The following CCT5 variants were observed in gnomAD, a reference collection of about 807,000 sequenced individuals.
CCT5 encodes T-complex protein 1 subunit epsilon.
Under a neutral mutation model 55.0 loss-of-function variants are expected in CCT5, and 6 were observed. The observed-to-expected ratio is 0.11, with a 90% CI of 0.06 to 0.22. The LOEUF is 0.22. CCT5 is among the 10% of genes least tolerant of loss of function. The probability of loss-of-function intolerance (pLI) is 1.00; values close to 1 mark genes in which losing one functional copy is unlikely to be tolerated. For missense variants in CCT5, 560 were observed against 694.6 expected (o/e 0.81, Z 2.18); for synonymous variants, 231 against 243.7 (o/e 0.95, Z 0.49).
At chr5:10,264,447 T>C in intron 10 of CCT5, 1 of 541,958 alleles carries the variant, frequency 1.8e-6, no homozygotes, top group Non-Finnish European at 3.3e-6. Flanking sequence ...CAGCTCTCTT[T>C]ACCAGGTGCG....
chr5:10,250,552 A>G (rs2126488535), intron 1 of CCT5, 107 bp downstream of exon 1: 6 of 1,537,284 alleles, frequency 3.9e-6, no homozygotes, highest in South Asian at 3.6e-5. Context: ...CTCCCCGGAA[A>G]GGTCGAGAAT....
At chr5:10,261,866 C>T (rs1039094195) in intron 8 of CCT5, 121 bp downstream of exon 8, 1 of 820,562 alleles carries the variant, frequency 1.2e-6, no homozygotes, top group African/African-American at 1.7e-5. Context: ...GGTTCTCAAA[C>T]AATGACGTAT....
At chr5:10,260,990 T>G in intron 7 of CCT5, 79 bp downstream of exon 7, 1 of 1,427,384 alleles carries the variant, frequency 7.0e-7, no homozygotes, top group East Asian at 2.3e-5. Context: ...TAGCCCTGCC[T>G]TAAATAACTG....
At position 10,256,022 on chromosome 5, in the gene CCT5, A is replaced by G. The variant is rs1367000697; in HGVS notation, c.399A>G (p.Ile133Met). 2 of 1,614,112 alleles carry G rather than the reference A, an allele frequency of 1.2e-6. No individual in the cohort carries two copies. The highest frequency in any genetic ancestry group is 1.7e-6 in the Non-Finnish European group (2 of 1,180,022). ...LLDRGIHPIR[I>M]ADGYEQAARV... The stretch of plus-strand genomic sequence containing the variant: ...ACCGAGGCATTCACCCAATCAGAAT[A>G]GCCGATGGCTATGAGCAGGCTGCTC... The change falls in exon 4 of 11, where the codon ATA becomes ATG. Residue 133 changes from isoleucine to methionine, a missense_variant. Around this residue, in one of 4 missense-constraint regions of CCT5, gnomAD observed 137 missense variants for 181.9 expected, o/e 0.75. Coordinates refer to ENST00000280326, the MANE Select transcript of CCT5 (RefSeq NM_012073.5).
At chr5:10,261,143 T>C (rs1579455456) in intron 7 of CCT5, 4 of 568,378 alleles carry the variant, frequency 7.0e-6, no homozygotes, top group Non-Finnish European at 1.3e-5. Flanking sequence ...GTTGTCTCAC[T>C]TGGCCCTGTC....
Position 10,265,447 on chromosome 5 carries a change from T to C in CCT5, c.*664T>C, listed in dbSNP as rs1746177647. The C allele has an allele frequency of 6.6e-6, 1 of 152,396 alleles. No individual in the cohort carries two copies. The highest frequency in any genetic ancestry group is 1.5e-5 in the Non-Finnish European group (1 of 68,186). The allele number at this position is 152,396 out of a possible 1,614,324, so 9.4% of individuals were successfully genotyped here. A position where few individuals can be genotyped will look rare whatever the true frequency, so the allele number is the denominator to read the frequency against. ...TAGGGCAGTTCAGAACCCACTTGTT[T>C]CCCTATCAGAGGGACACAGTGAAGT... On this transcript the variant is annotated 3_prime_UTR_variant, in exon 11 of 11. Transcript: ENST00000280326.
At chr5:10,251,515 T>G (rs1745412962) in intron 1 of CCT5, among the ~76,000 whole-genome samples, 1 of 152,216 alleles carries the variant, frequency 6.6e-6, no homozygotes, top group Admixed American at 6.5e-5. Flanking sequence ...CTCTCAGGTG[T>G]CCCTGTTCAC....
Position 10,261,760 on chromosome 5 carries a change from A to AT in CCT5, c.1179+18dup. ...GAAATAAGATGGTGAGAATTCAACT[A>AT]TTTGTCCTATACTGTTGCTTATTTT... On this transcript the variant is annotated intron_variant, in intron 8 of 10. Transcript: ENST00000280326. The AT allele has an allele frequency of 6.2e-7, 1 of 1,607,812 alleles. No individual in the cohort carries two copies. Among genetic ancestry groups the AT allele is most frequent in the Non-Finnish European group, 8.5e-7 (1 of 1,174,488 alleles).
intron 1 of CCT5, 54 bp downstream of exon 1, chr5:10,250,499 T>TGGCTCTGCGCCTGCGCGAGTTGAGGAGC: frequency 1.2e-6 from 2 of 1,603,574 alleles, no homozygotes; most frequent in Non-Finnish European, 1.7e-6. Flanking sequence ...GCCGAGGCCG[T>TGGCTCTGCGCCTGCGCGAGTTGAGGAGC]GGCTCTGCGC....
chr5:10,260,541 A>G (rs1258162369), intron 6 of CCT5, among the ~76,000 whole-genome samples: 5 of 63,752 alleles, frequency 7.8e-5, no homozygotes, highest in African/African-American at 1.6e-4. Flanking sequence ...AATAGGGTTC[A>G]GCAGAATTAC....
intron 1 of CCT5, chr5:10,250,935 T>C: frequency 2.2e-6 from 2 of 921,934 alleles, no homozygotes; most frequent in South Asian, 4.6e-5. Context: ...GAGTGCTTTT[T>C]TGCCCACCCT....
At chr5:10,263,347 G>T (rs56221522) in intron 10 of CCT5, 33 bp downstream of exon 10, 4 of 1,586,632 alleles carry the variant, frequency 2.5e-6, no homozygotes, top group African/African-American at 1.4e-5. Flanking sequence ...CGTGGAGGGG[G>T]GGGGATGTCT....
chr5:10,264,920 A>G lies in CCT5; in HGVS notation c.*137A>G. The G allele has an allele frequency of 8.7e-7, 1 of 1,150,280 alleles. No individual in the cohort carries two copies. Among genetic ancestry groups the G allele is most frequent in the East Asian group, 2.4e-5 (1 of 41,442 alleles). The allele number at this position is 1,150,280 out of a possible 1,614,324, so 71.3% of individuals were successfully genotyped here. A position where few individuals can be genotyped will look rare whatever the true frequency, so the allele number is the denominator to read the frequency against. Reference sequence around the variant, plus strand: ...GCTATAATAAAAATAGCTGTTTGGTAACCATAGTTTCACTTGTTCAAAGCT... The same window carrying G: ...GCTATAATAAAAATAGCTGTTTGGTGACCATAGTTTCACTTGTTCAAAGCT... On this transcript the variant is annotated 3_prime_UTR_variant, in exon 11 of 11. Transcript: ENST00000280326.
upstream of CCT5, chr5:10,250,019 G>A: frequency 1.9e-6 from 3 of 1,541,814 alleles, no homozygotes; most frequent in South Asian, 1.2e-5. Context: ...TTCCTCCTTG[G>A]GACCCACTAT....
rs1745659547 is a variant in CCT5, at chr5:10,256,072, A to G, written c.449A>G (p.Lys150Arg). 1 of 1,614,024 alleles carries G rather than the reference A, an allele frequency of 6.2e-7. No homozygotes were observed. Among genetic ancestry groups the G allele is most frequent in the African/African-American group, 1.3e-5 (1 of 74,936 alleles). ...CGTGTTGCTATTGAACACCTGGACAAGATCAGCGATAGCGTCCTTGTTGAC... is the reference window on the plus strand; with the variant it reads ...CGTGTTGCTATTGAACACCTGGACAGGATCAGCGATAGCGTCCTTGTTGAC... ...AARVAIEHLDKISDSVLVDIK... is the reference protein window; with the variant it reads ...AARVAIEHLDRISDSVLVDIK... Residue 150 changes from lysine to arginine, a missense_variant, in exon 4 of 11, where the codon AAG (lysine) becomes AGG (arginine). Physicochemically the swap from Lys to Arg is conservative, Grantham distance 26. Coordinates refer to ENST00000280326, the MANE Select transcript of CCT5 (RefSeq NM_012073.5).
chr5:10,250,773 C>T, intron 1 of CCT5: 1 of 1,210,782 alleles, frequency 8.3e-7, no homozygotes, highest in Non-Finnish European at 1.0e-6. Flanking sequence ...CCGCGTGGGA[C>T]TGCGCTCCAG....
At chr5:10,264,053 A>AC (rs1746109925) in intron 10 of CCT5, among the ~76,000 whole-genome samples, 1 of 152,184 alleles carries the variant, frequency 6.6e-6, no homozygotes. Flanking sequence ...CGGGTGGATC[A>AC]CCTGAGGTCA....
chr5:10,251,634 C>T (rs1057012043), intron 1 of CCT5, among the ~76,000 whole-genome samples: 4 of 152,100 alleles, frequency 2.6e-5, no homozygotes, highest in Non-Finnish European at 2.9e-5. Context: ...CCTCCTTTTC[C>T]AGGGGGAGGT....
intron 1 of CCT5, chr5:10,250,771 G>A (rs946987408): frequency 1.6e-6 from 2 of 1,213,132 alleles, no homozygotes; most frequent in Non-Finnish European, 2.1e-6. Context: ...GGCCGCGTGG[G>A]ACTGCGCTCC....
Sources: allele counts gnomAD v4.1 joint callset (sites outside exome capture counted in the v4.1 genomes callset), GRCh38; gene constraint gnomAD v4.1.1; regional missense constraint gnomAD v4.1.1; transcripts MANE v1.5; gene names NCBI Gene and HGNC (gene_info 2026-07-23, HGNC 2026-07-21).